ERC1: variants seen among roughly 807,000 people sequenced by gnomAD.
ERC1 encodes ELKS/RAB6-interacting/CAST family member 1, also known as RAB6 interacting protein 2.
In ERC1, 56 loss-of-function variants were observed where a neutral mutation model predicts 132.0. The observed-to-expected ratio is 0.42, with a 90% confidence interval of 0.34 to 0.53. ERC1 has a LOEUF of 0.53. Among genes scored for constraint, ERC1 ranks in the 20% least tolerant of loss-of-function variants. The probability of loss-of-function intolerance (pLI) is 0.03; values close to 1 mark genes in which losing one functional copy is unlikely to be tolerated. For synonymous variants in ERC1, 478 were observed against 476.1 expected (o/e 1.00, Z -0.05); for missense variants, 1,202 against 1,349.9 (o/e 0.89, Z 1.72).
intron 2 of ERC1, among the ~76,000 whole-genome samples, chr12:1,045,448 A>G (rs1970935669): frequency 6.6e-6 from 1 of 152,150 alleles, no homozygotes; most frequent in South Asian, 2.1e-4. Context: ...TCTATTGTAG[A>G]TATAGATGCT....
intron 11 of ERC1, among the ~76,000 whole-genome samples, chr12:1,185,472 A>C: frequency 7.0e-6 from 1 of 143,372 alleles, no homozygotes; most frequent in Non-Finnish European, 1.5e-5. Flanking sequence ...GTTTCCCTTG[A>C]TTATCTTACT....
intron 2 of ERC1, among the ~76,000 whole-genome samples, chr12:1,052,842 C>A (rs547786752): frequency 6.6e-6 from 1 of 152,022 alleles, no homozygotes; most frequent in Admixed American, 6.5e-5. Flanking sequence ...TGGTGGCAGG[C>A]GCCTGCAATC....
chr12:1,289,009 G>A lies in ERC1; in HGVS notation c.2620-843G>A, dbSNP rs1219621121. Reference sequence around the variant, plus strand: ...TGGCTTTTTGTTTGTTGTTTTTCAGGTCTGTTGCTGTCAAGGCTTTTTTTT... The same window carrying A: ...TGGCTTTTTGTTTGTTGTTTTTCAGATCTGTTGCTGTCAAGGCTTTTTTTT... On this transcript the variant is annotated intron_variant, in intron 14 of 18. Transcript: ENST00000360905. Among the ~76,000 whole-genome samples the A allele has an allele frequency of 5.7e-5, 8 of 140,096 alleles. No individual in the cohort carries two copies. The East Asian group carries it at 1.7e-3, about 29-fold the overall frequency. The allele number at this position is 140,096 out of a possible 152,430, so 91.9% of individuals were successfully genotyped here. A position where few individuals can be genotyped will look rare whatever the true frequency, so the allele number is the denominator to read the frequency against.
chr12:1,398,268 G>A (rs546439663), intron 16 of ERC1, among the ~76,000 whole-genome samples: 4 of 152,246 alleles, frequency 2.6e-5, no homozygotes, highest in East Asian at 1.9e-4. Flanking sequence ...GTAGACGTGA[G>A]CCACCGTGCC....
intron 1 of ERC1, among the ~76,000 whole-genome samples, chr12:1,001,089 A>T (rs1335747564): frequency 6.6e-6 from 1 of 152,072 alleles, no homozygotes; most frequent in Non-Finnish European, 1.5e-5. Context: ...TTTAGTAGAG[A>T]TGGAGTTTCA....
At chr12:1,045,020 G>T (rs1172868473) in intron 2 of ERC1, among the ~76,000 whole-genome samples, 2 of 152,032 alleles carry the variant, frequency 1.3e-5, no homozygotes, top group Non-Finnish European at 2.9e-5. Flanking sequence ...GGTTAGTTGG[G>T]CCCAAAACTC....
chr12:992,786 T>C (rs1359482951), intron 1 of ERC1, among the ~76,000 whole-genome samples: 1 of 152,234 alleles, frequency 6.6e-6, no homozygotes, highest in Non-Finnish European at 1.5e-5. Flanking sequence ...AGCTATTTCT[T>C]GTTCAGAAAA....
intron 8 of ERC1, among the ~76,000 whole-genome samples, chr12:1,172,701 T>G (rs998320952): frequency 1.3e-5 from 2 of 151,814 alleles, no homozygotes; most frequent in African/African-American, 4.8e-5. Flanking sequence ...AGGGAGAGTT[T>G]ATACAAAAAA....
chr12:1,236,089 A>T (rs911083384), intron 12 of ERC1, among the ~76,000 whole-genome samples: 1 of 152,206 alleles, frequency 6.6e-6, no homozygotes, highest in Non-Finnish European at 1.5e-5. Context: ...ATTTATCTTT[A>T]TAAAGCTCAA....
At chr12:1,096,362 A>G (rs919451960) in intron 3 of ERC1, among the ~76,000 whole-genome samples, 9 of 152,366 alleles carry the variant, frequency 5.9e-5, no homozygotes, top group Non-Finnish European at 1.2e-4. Flanking sequence ...AATATTTTCA[A>G]GTAGATACAG....
At chr12:1,288,868 T>TAA in intron 14 of ERC1, among the ~76,000 whole-genome samples, 1 of 152,276 alleles carries the variant, frequency 6.6e-6, no homozygotes, top group South Asian at 2.1e-4. Flanking sequence ...ACAAGTTTAT[T>TAA]TAAATAATTC....
chr12:1,093,953 T>TATATATATATATATA, intron 3 of ERC1, among the ~76,000 whole-genome samples: 1 of 23,796 alleles, frequency 4.2e-5, no homozygotes, highest in Non-Finnish European at 1.1e-4. Flanking sequence ...ATATATATAT[T>TATATATATATATATA]TTTCTATATA....
chr12:1,442,378 C>T (rs915258979), intron 17 of ERC1, among the ~76,000 whole-genome samples: 5 of 152,180 alleles, frequency 3.3e-5, no homozygotes, highest in African/African-American at 7.2e-5. Context: ...ACATGCCTGT[C>T]ATAGGTAGGA....
At chr12:1,457,712 T>C (rs2093567559) in intron 18 of ERC1, among the ~76,000 whole-genome samples, 1 of 151,936 alleles carries the variant, frequency 6.6e-6, no homozygotes, top group Non-Finnish European at 1.5e-5. Context: ...AGTCATACAC[T>C]TTAAAAGTTA....
chr12:1,411,411 G>A (rs1392014771), intron 17 of ERC1, among the ~76,000 whole-genome samples: 2 of 152,028 alleles, frequency 1.3e-5, no homozygotes, highest in African/African-American at 4.8e-5. Flanking sequence ...AAATGATGAG[G>A]ACATGTGTAG....
intron 2 of ERC1, among the ~76,000 whole-genome samples, chr12:1,039,917 C>G (rs1338099404): frequency 6.6e-6 from 1 of 152,140 alleles, no homozygotes; most frequent in African/African-American, 2.4e-5. Flanking sequence ...TCTCATCCAG[C>G]TCGATTTGTG....
intron 14 of ERC1, among the ~76,000 whole-genome samples, chr12:1,288,502 A>T (rs1250004489): frequency 1.3e-5 from 2 of 152,246 alleles, no homozygotes; most frequent in East Asian, 3.8e-4. Flanking sequence ...AGGATAAAAA[A>T]ATTCAGGTGC....
At chr12:1,247,146 G>A (rs1157125690) in intron 13 of ERC1, among the ~76,000 whole-genome samples, 1 of 146,522 alleles carries the variant, frequency 6.8e-6, no homozygotes, top group Non-Finnish European at 1.5e-5. Context: ...TGAGGTTGCA[G>A]TGAGCCCAGG....
chr12:1,040,680 A>G (rs1353701815), intron 2 of ERC1, among the ~76,000 whole-genome samples: 1 of 152,118 alleles, frequency 6.6e-6, no homozygotes, highest in Non-Finnish European at 1.5e-5. Flanking sequence ...ATTTTTCCAT[A>G]TATTAACAAT....
Sources: gnomAD v4.1 joint callset for allele counts (sites outside exome capture counted in the v4.1 genomes callset) on GRCh38, gnomAD v4.1.1 for gene constraint, MANE v1.5 for transcripts, NCBI Gene and HGNC (gene_info 2026-07-23, HGNC 2026-07-21) for gene names.